GPRC5C: variants seen among roughly 807,000 people sequenced by gnomAD.
GPRC5C encodes G protein-coupled receptor class C group 5 member C.
GPRC5C carries 22 observed loss-of-function variants against 31.4 expected under a neutral mutation model. The ratio of observed to expected loss-of-function variants is 0.70; its 90% CI spans 0.50 to 1.00. GPRC5C has a LOEUF of 1.00. GPRC5C is among the 50% of genes least tolerant of loss of function. GPRC5C has a pLI of 0.00. For synonymous variants in GPRC5C, 249 were observed against 257.5 expected, an observed-to-expected ratio of 0.97 and a Z score of 0.32; for missense variants, 557 against 597.2, an observed-to-expected ratio of 0.93 and a Z score of 0.70.
At chr17:74,439,633 A>G (rs2055493633) in intron 1 of GPRC5C, 112 bp from the exon 2 acceptor site, 1 of 991,172 alleles carries the variant, frequency 1.0e-6, no homozygotes, top group Non-Finnish European at 1.5e-6. Flanking sequence ...AGAGAGCCTC[A>G]CGGTCAGCAG....
At chr17:74,433,771 T>G (rs1297303700) in intron 1 of GPRC5C, 1 of 1,604,886 alleles carries the variant, frequency 6.2e-7, no homozygotes, top group Non-Finnish European at 8.5e-7. Flanking sequence ...AGTGTTGAGT[T>G]TGGTTGGCCC....
Position 74,435,261 on chromosome 17 carries a change from G to A in GPRC5C, c.-33+3120G>A, listed in dbSNP as rs114899797. 3.1e-3 allele frequency among the ~76,000 whole-genome samples: 477 copies of A among 152,114 alleles called. 1 individual carries two copies. The highest frequency in any genetic ancestry group is 0.011 in the African/African-American group (450 of 41,534). Reference sequence around the variant, plus strand: ...AGGCATTGGCTGAATGTGCACTCCCGGCATCAGAGGGCTGGAGCTGTGCTC... The same window carrying A: ...AGGCATTGGCTGAATGTGCACTCCCAGCATCAGAGGGCTGGAGCTGTGCTC... On this transcript the variant is annotated intron_variant, in intron 1 of 3. Coordinates refer to ENST00000392627, the MANE Select transcript of GPRC5C (RefSeq NM_022036.4).
At chr17:74,451,421 T>C (rs538898499), downstream of GPRC5C, 48 of 152,246 alleles carry the variant, frequency 3.2e-4, no homozygotes, top group African/African-American at 1.1e-3. Context: ...GGAGAAGAAG[T>C]TAGATGAGTT....
downstream of GPRC5C, among the ~76,000 whole-genome samples, chr17:74,448,557 T>G (rs2055676386): frequency 6.6e-6 from 1 of 152,082 alleles, no homozygotes; most frequent in Non-Finnish European, 1.5e-5. Flanking sequence ...TTTTGTATTT[T>G]TAGTAGAGAC....
intron 1 of GPRC5C, among the ~76,000 whole-genome samples, chr17:74,437,159 G>T (rs1334720284): frequency 6.6e-6 from 1 of 152,122 alleles, no homozygotes; most frequent in African/African-American, 2.4e-5. Context: ...GGTCAGGCTG[G>T]TCTGGAACTC....
chr17:74,446,801 A>C (rs1248784748), intron 3 of GPRC5C, 48 bp from the exon 4 acceptor site: 4 of 1,465,836 alleles, frequency 2.7e-6, no homozygotes, highest in Non-Finnish European at 2.9e-6. Context: ...CCCCGGCGGA[A>C]CCTGGCTCCC....
In GPRC5C at chr17:74,438,206, CATATATATATATATATAT is replaced by C. The variant is rs71157066; in HGVS notation, c.-32-1510_-32-1493del. Reference sequence around the variant, plus strand: ...CATGCCACCACACTCTCTGCTAATTCATATATATATATATATATATATATATATATATATATATATATA... The same window carrying C: ...CATGCCACCACACTCTCTGCTAATTCATATATATATATATATATATATATA... On this transcript the variant is annotated intron_variant, in intron 1 of 3. Transcript: ENST00000392627. 5.5e-3 allele frequency among the ~76,000 whole-genome samples: 248 copies of C among 45,274 alleles called. 1 individual carries two copies. The highest frequency in any genetic ancestry group is 0.018 in the African/African-American group (171 of 9,656). The allele number at this position is 45,274 out of a possible 152,430, so 29.7% of individuals were successfully genotyped here.
At chr17:74,432,386 C>T (rs1158667282) in intron 1 of GPRC5C, 1 of 1,294,838 alleles carries the variant, frequency 7.7e-7, no homozygotes, top group Non-Finnish European at 9.8e-7. Context: ...CGTCCCGGCC[C>T]GGGCCCCGCC....
downstream of GPRC5C, chr17:74,450,729 A>G (rs576698334): frequency 6.6e-6 from 1 of 152,410 alleles, no homozygotes; most frequent in East Asian, 1.9e-4. Context: ...GGGTACCTCC[A>G]TGGTGCTGGC....
chr17:74,451,229 G>A (rs551707034), downstream of GPRC5C: 71 of 152,320 alleles, frequency 4.7e-4, no homozygotes, highest in African/African-American at 1.7e-3. Flanking sequence ...AATTTCAAAG[G>A]AGTCCCCGGC....
rs774276214 is a variant in GPRC5C, at chr17:74,440,806, T to A, written c.1030T>A (p.Ser344Thr). The change falls in exon 2 of 4, where the codon TCC becomes ACC. Residue 344 changes from serine to threonine, a missense_variant. By Grantham distance (58) the Ser-to-Thr change is moderately conservative (BLOSUM62 1). Coordinates refer to ENST00000392627, the MANE Select transcript of GPRC5C (RefSeq NM_022036.4). The surrounding 1 kb of genome is among the most constrained non-coding windows in gnomAD (Gnocchi z 4.4). ...CATGTTCGTGGAGAACAAGGCCTTT[T>A]CCATGGATGAGCCGGTTGCAGGTGG... ...QSMFVENKAF[S>T]MDEPVAAKRP... 6.7e-7 allele frequency: 1 copy of A among 1,495,784 alleles called. No homozygotes were observed. The allele number at this position is 1,495,784 out of a possible 1,614,324, so 92.7% of individuals were successfully genotyped here.
chr17:74,432,850 G>C (rs2055376025), intron 1 of GPRC5C, among the ~76,000 whole-genome samples: 1 of 152,008 alleles, frequency 6.6e-6, no homozygotes, highest in African/African-American at 2.4e-5. Flanking sequence ...CTGCTACTGT[G>C]GATGTGGAGG....
chr17:74,439,013 G>A (rs894489564), intron 1 of GPRC5C, among the ~76,000 whole-genome samples: 1 of 152,178 alleles, frequency 6.6e-6, no homozygotes, highest in African/African-American at 2.4e-5. Flanking sequence ...TTTGGGTTTT[G>A]CATTGCCCTT....
downstream of GPRC5C, among the ~76,000 whole-genome samples, chr17:74,448,296 G>A (rs943232669): frequency 1.3e-5 from 2 of 152,136 alleles, no homozygotes; most frequent in African/African-American, 4.8e-5. Context: ...GCGAGACTCT[G>A]TCTCAAAAAA....
At position 74,446,963 on chromosome 17, in the gene GPRC5C, G is replaced by T; in HGVS notation, c.1261G>T (p.Ala421Ser). The change falls in exon 4 of 4, where the codon GCG (alanine) becomes TCG (serine). Residue 421 changes from alanine (A) to serine (S), a missense_variant. Physicochemically the swap from Ala to Ser is moderately conservative, Grantham distance 99. Transcript: ENST00000392627. Reference sequence around the variant, plus strand: ...CATGTACTCGGCCCAGAGCCACCAGGCGGCCACACCGCCGAAAGACGGCAA... The same window carrying T: ...CATGTACTCGGCCCAGAGCCACCAGTCGGCCACACCGCCGAAAGACGGCAA... Reference protein sequence around the residue: ...EDMYSAQSHQAATPPKDGKNS... With the variant: ...EDMYSAQSHQSATPPKDGKNS... 2 of 1,614,192 alleles carry T rather than the reference G, an allele frequency of 1.2e-6. No individual in the cohort carries two copies. The highest frequency in any genetic ancestry group is 1.7e-6 in the Non-Finnish European group (2 of 1,180,000).
At chr17:74,433,022 A>G (rs1205759452) in intron 1 of GPRC5C, among the ~76,000 whole-genome samples, 2 of 151,914 alleles carry the variant, frequency 1.3e-5, no homozygotes, top group Non-Finnish European at 2.9e-5. Context: ...TCAGACTATC[A>G]AAGCGCCTCC....
intron 3 of GPRC5C, 54 bp from the exon 4 acceptor site, chr17:74,446,795 G>A (rs1026938816): frequency 7.8e-5 from 110 of 1,417,804 alleles, no homozygotes; most frequent in South Asian, 3.8e-4. Context: ...CATCCGCCCC[G>A]GCGGAACCTG....
In GPRC5C at chr17:74,440,207, T is replaced by C. The variant is rs2055507347; in HGVS notation, c.431T>C (p.Leu144Pro). The C allele has an allele frequency of 6.2e-7, 1 of 1,614,208 alleles. No individual in the cohort carries two copies. The highest frequency in any genetic ancestry group is 8.5e-7 in the Non-Finnish European group (1 of 1,180,022). ...LAAHVFALNF[L>P]ARKNHGPRGW... ...GCTCACGTCTTTGCCCTCAACTTCC[T>C]GGCCCGGAAGAACCACGGGCCCCGG... The change falls in exon 2 of 4, where the codon CTG (leucine) becomes CCG (proline). Residue 144 changes from leucine (L) to proline (P), a missense_variant. Leu to Pro is a moderately conservative substitution (Grantham distance 98). Transcript: ENST00000392627. The surrounding 1 kb of genome is among the most constrained non-coding windows in gnomAD (Gnocchi z 4.4).
chr17:74,439,610 G>A (rs2055493317), intron 1 of GPRC5C, 135 bp from the exon 2 acceptor site: 1 of 786,216 alleles, frequency 1.3e-6, no homozygotes. Context: ...TGTTAAGAAG[G>A]ATTCTGAGGT....
Sources: gnomAD v4.1 joint callset for allele counts (sites outside exome capture counted in the v4.1 genomes callset) on GRCh38, gnomAD v4.1.1 for gene constraint, Gnocchi (gnomAD v3.1) non-coding constraint, MANE v1.5 for transcripts, NCBI Gene and HGNC (gene_info 2026-07-23, HGNC 2026-07-21) for gene names.